MTAP: variants seen among roughly 807,000 people sequenced by gnomAD.
MTAP encodes methylthioadenosine phosphorylase.
A neutral mutation model predicts 33.6 loss-of-function variants in MTAP; 33 were observed. The observed-to-expected ratio is 0.98, with a 90% confidence interval of 0.74 to 1.31. MTAP has a LOEUF of 1.31. Ranked by LOEUF, MTAP falls within the 40% of genes most tolerant of loss-of-function variation. The pLI is 0.00. For missense variants in MTAP, 367 were observed against 360.0 expected (o/e 1.02, Z -0.16); for synonymous variants, 148 against 125.7 (o/e 1.18, Z -1.19).
chr9:21,897,052 C>T (rs1251058472), intron 1 of MTAP, among the ~76,000 whole-genome samples: 2 of 152,154 alleles, frequency 1.3e-5, no homozygotes. Flanking sequence ...GGGCTTCATC[C>T]CTGGGATGCA....
downstream of MTAP, chr9:21,934,226 G>C: frequency 6.6e-6 from 1 of 152,218 alleles, no homozygotes; most frequent in South Asian, 2.1e-4. The surrounding 1 kb of genome is among the most constrained non-coding windows in gnomAD (Gnocchi z 5.0). Flanking sequence ...CTAAGTGGTT[G>C]AAGTATGGCT....
At chr9:21,895,630 T>G (rs1460931741) in intron 1 of MTAP, among the ~76,000 whole-genome samples, 1 of 152,180 alleles carries the variant, frequency 6.6e-6, no homozygotes, top group East Asian at 1.9e-4. Context: ...GCTTTTCCAA[T>G]GACCTTGGCA....
At chr9:21,805,437 CAG>C (rs1360443957) in intron 1 of MTAP, among the ~76,000 whole-genome samples, 1 of 152,154 alleles carries the variant, frequency 6.6e-6, no homozygotes, top group African/African-American at 2.4e-5. Flanking sequence ...ATATTCTAGT[CAG>C]GGTGGGAAAC....
intron 1 of MTAP, among the ~76,000 whole-genome samples, chr9:21,895,904 A>T (rs562534174): frequency 6.6e-6 from 1 of 152,314 alleles, no homozygotes; most frequent in South Asian, 2.1e-4. Flanking sequence ...CTCTGCACCA[A>T]GCGGACCTAA....
At chr9:21,811,996 G>A in intron 1 of MTAP, 1 of 295,678 alleles carries the variant, frequency 3.4e-6, no homozygotes, top group South Asian at 3.4e-5. Flanking sequence ...ATGGACATGT[G>A]GCCCCTGAAC....
At chr9:21,834,769 C>A (rs776615755) in intron 4 of MTAP, among the ~76,000 whole-genome samples, 2 of 152,210 alleles carry the variant, frequency 1.3e-5, no homozygotes, top group Non-Finnish European at 2.9e-5. Flanking sequence ...CATTTGCTCT[C>A]TTAGTTCCCC....
chr9:21,810,280 T>C (rs1352643685), intron 1 of MTAP, among the ~76,000 whole-genome samples: 2 of 152,196 alleles, frequency 1.3e-5, no homozygotes, highest in Non-Finnish European at 1.5e-5. Context: ...CTGTATGTGG[T>C]TATATCCCAA....
chr9:21,915,084 C>CTCTTTCTTTCTTTCTTTCTTTCTTT (rs369342496), intron 1 of MTAP, among the ~76,000 whole-genome samples: 5 of 72,432 alleles, frequency 6.9e-5, no homozygotes, highest in African/African-American at 4.2e-4. Flanking sequence ...TTCTTTCTTT[C>CTCTTTCTTTCTTTCTTTCTTTCTTT]CTTTCTTTCT....
At chr9:21,905,783 G>A (rs1370686662) in intron 1 of MTAP, among the ~76,000 whole-genome samples, 1 of 152,118 alleles carries the variant, frequency 6.6e-6, no homozygotes, top group Non-Finnish European at 1.5e-5. Context: ...AAGAAAATAA[G>A]GACTCAGAAT....
chr9:21,903,682 C>G (rs1387631088), intron 1 of MTAP, among the ~76,000 whole-genome samples: 3 of 152,150 alleles, frequency 2.0e-5, no homozygotes, highest in Middle Eastern at 3.2e-3. Context: ...TAATGAAATG[C>G]GAAAAGTTCC....
chr9:21,865,149 G>T lies in MTAP; in HGVS notation c.*3135G>T, dbSNP rs1296018565. The T allele has an allele frequency of 5.3e-6, 5 of 934,606 alleles. No individual in the cohort carries two copies. The East Asian group carries it at 5.9e-4, about 110-fold the overall frequency. The allele number at this position is 934,606 out of a possible 1,614,324, so 57.9% of individuals were successfully genotyped here. A position where few individuals can be genotyped will look rare whatever the true frequency, so the allele number is the denominator to read the frequency against. On this transcript the variant is annotated 3_prime_UTR_variant, in exon 8 of 8. Coordinates refer to ENST00000644715, the MANE Select transcript of MTAP (RefSeq NM_002451.4). ...CATAATCCCCACATGTTGTGGGAGG[G>T]ACCCAGTGGGAGGTAATTAAATCAT...
At position 21,915,056 on chromosome 9, in the gene MTAP, C is replaced by T. The variant is rs868109591; in HGVS notation, c.148-15952C>T. Among the ~76,000 whole-genome samples the T allele has an allele frequency of 5.3e-3, 559 of 105,100 alleles. 39 individuals are homozygous for T. Among genetic ancestry groups the T allele is most frequent in the African/African-American group, 0.026 (529 of 20,380 alleles). 68.9% of individuals were successfully genotyped at this position (105,100 alleles called of 152,430 possible). A position where few individuals can be genotyped will look rare whatever the true frequency, so the allele number is the denominator to read the frequency against. On this transcript the variant is annotated intron_variant, in intron 1 of 1. Transcript: ENST00000577563. ...CCTTCCTTCCTTCCTTCCTTCCTTCCTTTCTTTCTTTCTTTCTTTCTTTCT... is the reference window on the plus strand; with the variant it reads ...CCTTCCTTCCTTCCTTCCTTCCTTCTTTTCTTTCTTTCTTTCTTTCTTTCT...
chr9:21,907,061 G>A (rs1818488732), intron 1 of MTAP, among the ~76,000 whole-genome samples: 1 of 152,186 alleles, frequency 6.6e-6, no homozygotes, highest in South Asian at 2.1e-4. Flanking sequence ...GTTAAGGGAG[G>A]TGAGTGGGTA....
chr9:21,830,157 T>C (rs1414879656), intron 4 of MTAP, among the ~76,000 whole-genome samples: 1 of 152,230 alleles, frequency 6.6e-6, no homozygotes, highest in Non-Finnish European at 1.5e-5. Context: ...AGAGCATCCA[T>C]AGAAAGCAAC....
Position 21,837,934 on chromosome 9 carries a change from A to C in MTAP, c.374A>C (p.Tyr125Ser), listed in dbSNP as rs775063263. 2 of 1,614,024 alleles carry C rather than the reference A, an allele frequency of 1.2e-6. No homozygotes were observed. Among genetic ancestry groups the C allele is most frequent in the African/African-American group, 2.7e-5 (2 of 74,916 alleles). Residue 125 changes from tyrosine (Y) to serine (S), a missense_variant, in exon 5 of 8, where the codon TAT becomes TCT. Transcript: ENST00000644715. ...DRTTMRPQSF[Y>S]DGSHSCARGV... is the part of the protein sequence containing the mutation. Reference sequence around the variant, plus strand: ...ACCACTATGAGACCTCAGTCCTTCTATGATGGAAGTCATTCTTGTGCCAGA... The same window carrying C: ...ACCACTATGAGACCTCAGTCCTTCTCTGATGGAAGTCATTCTTGTGCCAGA...
At chr9:21,825,735 A>T (rs1824778703) in intron 4 of MTAP, among the ~76,000 whole-genome samples, 1 of 152,202 alleles carries the variant, frequency 6.6e-6, no homozygotes, top group African/African-American at 2.4e-5. Flanking sequence ...CAGATACTTA[A>T]GAGACTGAGG....
intron 1 of MTAP, among the ~76,000 whole-genome samples, chr9:21,896,332 A>C (rs559001590): frequency 6.6e-6 from 1 of 152,362 alleles, no homozygotes; most frequent in Admixed American, 6.5e-5. Context: ...AAAGAACTAG[A>C]GAAGCAAGAG....
At chr9:21,829,114 G>C (rs111604419) in intron 4 of MTAP, among the ~76,000 whole-genome samples, 1,935 of 152,260 alleles carry the variant, frequency 0.013, 32 homozygotes, top group African/African-American at 0.045. Flanking sequence ...TTGGTGTATT[G>C]AGACGGGCAT....
At chr9:21,867,646 G>T (rs760612385), downstream of MTAP, among the ~76,000 whole-genome samples, 7 of 151,806 alleles carry the variant, frequency 4.6e-5, no homozygotes, top group Non-Finnish European at 8.8e-5. Context: ...AGGTGTCAGG[G>T]CTTGGTTAAT....
Sources: gnomAD v4.1 joint callset for allele counts (sites outside exome capture counted in the v4.1 genomes callset) on GRCh38, gnomAD v4.1.1 for gene constraint, Gnocchi (gnomAD v3.1) non-coding constraint, MANE v1.5 for transcripts, NCBI Gene and HGNC (gene_info 2026-07-23, HGNC 2026-07-21) for gene names.